RSF1: variants seen among roughly 807,000 people sequenced by gnomAD.
RSF1 encodes the protein remodeling and spacing factor 1.
Under a neutral mutation model 145.2 loss-of-function variants are expected in RSF1, and 13 were observed. The observed-to-expected ratio is 0.09, with a 90% confidence interval of 0.06 to 0.14. The LOEUF (loss-of-function observed/expected upper bound fraction) is 0.14. Ranked by LOEUF, RSF1 falls within the 10% of genes least tolerant of loss-of-function variation. RSF1 has a pLI of 1.00. For missense variants in RSF1, 1,517 were observed against 1,718.2 expected (o/e 0.88, Z 2.07); for synonymous variants, 577 against 592.6 (o/e 0.97, Z 0.38).
chr11:77,775,805 G>A (rs1948336490), intron 1 of RSF1, among the ~76,000 whole-genome samples: 2 of 152,126 alleles, frequency 1.3e-5, no homozygotes, highest in Admixed American at 6.5e-5. Context: ...GTCTTGCTCT[G>A]TTGTCTAGGC....
chr11:77,745,592 C>T (rs533457807), intron 3 of RSF1, among the ~76,000 whole-genome samples: 120 of 151,434 alleles, frequency 7.9e-4, no homozygotes, highest in African/African-American at 2.8e-3. Flanking sequence ...TTTAGGTGAA[C>T]ATTATTCTTA....
At chr11:77,741,333 A>T (rs1947934522) in intron 3 of RSF1, among the ~76,000 whole-genome samples, 1 of 152,126 alleles carries the variant, frequency 6.6e-6, no homozygotes, top group Non-Finnish European at 1.5e-5. Context: ...GCTTGAGTCC[A>T]GGAGTTAAAG....
intron 1 of RSF1, among the ~76,000 whole-genome samples, chr11:77,811,453 A>G (rs965492761): frequency 6.6e-6 from 1 of 152,220 alleles, no homozygotes; most frequent in Non-Finnish European, 1.5e-5. Flanking sequence ...GTGGCATAAA[A>G]TCTACAAAGT....
intron 11 of RSF1, among the ~76,000 whole-genome samples, chr11:77,681,976 T>A (rs964528584): frequency 6.6e-6 from 1 of 152,202 alleles, no homozygotes; most frequent in African/African-American, 2.4e-5. Context: ...TTAATGTATG[T>A]CTCTAACCCC....
In RSF1 at chr11:77,660,126, G is replaced by A. The variant is rs1231907981; in HGVS notation, c.*6791C>T. 1 of 152,118 alleles carries A rather than the reference G, an allele frequency of 6.6e-6. No homozygotes were observed. Among genetic ancestry groups the A allele is most frequent in the Non-Finnish European group, 1.5e-5 (1 of 68,014 alleles). The allele number at this position is 152,118 out of a possible 1,614,324, so 9.4% of individuals were successfully genotyped here. Reference sequence around the variant, plus strand: ...ACAATTAGGCCAATAGCTATAAAATGGCTTTAGGCCTGGCTTATAACACCA... The same window carrying A: ...ACAATTAGGCCAATAGCTATAAAATAGCTTTAGGCCTGGCTTATAACACCA... On this transcript the variant is annotated 3_prime_UTR_variant, in exon 16 of 16. Coordinates refer to ENST00000308488, the MANE Select transcript of RSF1 (RefSeq NM_016578.4).
intron 1 of RSF1, among the ~76,000 whole-genome samples, chr11:77,795,872 T>C (rs1948567114): frequency 6.6e-6 from 1 of 152,168 alleles, no homozygotes; most frequent in African/African-American, 2.4e-5. Flanking sequence ...TAGCAGGCTA[T>C]TAATCACTGC....
the RSF1 span, among the ~76,000 whole-genome samples, chr11:77,871,120 A>T: frequency 1.3e-5 from 2 of 152,344 alleles, no homozygotes; most frequent in African/African-American, 4.8e-5. Flanking sequence ...ATATTTTAAA[A>T]TTTTAAACTA....
At position 77,666,818 on chromosome 11, in the gene RSF1, A is replaced by T; in HGVS notation, c.*99T>A. The T allele has an allele frequency of 1.0e-6, 1 of 959,462 alleles. No individual in the cohort carries two copies. The highest frequency in any genetic ancestry group is 1.5e-6 in the Non-Finnish European group (1 of 662,250). 59.4% of individuals were successfully genotyped at this position (959,462 alleles called of 1,614,324 possible). A position where few individuals can be genotyped will look rare whatever the true frequency, so the allele number is the denominator to read the frequency against. ...ATTTTTCTTCTAAAAGTCATTCTGT[A>T]GTGGAGTTTTCTAGGAAAAATTAAA... On this transcript the variant is annotated 3_prime_UTR_variant, in exon 16 of 16. Transcript: ENST00000308488.
rs777042659 is a variant in RSF1 at position 77,700,736 on chromosome 11, A to C, written c.2493T>G (p.Asn831Lys). The C allele has an allele frequency of 1.3e-6, 2 of 1,583,512 alleles. No homozygotes were observed. The highest frequency in any genetic ancestry group is 2.4e-5 in the South Asian group (2 of 85,040). Reference sequence around the variant, plus strand: ...CAAGTTTTACCTTGCTTACTTTAGAATTTGTATCTTTCTCTGATTTTTTCA... The same window carrying C: ...CAAGTTTTACCTTGCTTACTTTAGACTTTGTATCTTTCTCTGATTTTTTCA... ...EILKKSEKDT[N>K]SKVSKVKPKG... The change falls in exon 6 of 16, where the codon AAT becomes AAG. Residue 831 changes from asparagine (N) to lysine (K), a missense_variant. Transcript: ENST00000308488.
At chr11:77,787,763 G>A (rs1236642953) in intron 1 of RSF1, among the ~76,000 whole-genome samples, 2 of 149,948 alleles carry the variant, frequency 1.3e-5, no homozygotes, top group Admixed American at 6.7e-5. Flanking sequence ...CCAGCATCTA[G>A]CATAGTAAAA....
chr11:77,783,201 G>T (rs550022555), intron 1 of RSF1, among the ~76,000 whole-genome samples: 23 of 152,056 alleles, frequency 1.5e-4, no homozygotes, highest in Non-Finnish European at 2.8e-4. Context: ...GCAATTCCTT[G>T]TTCTCATCCT....
rs111644710 is a variant in RSF1 at position 77,787,897 on chromosome 11, A to G, written c.188-23208T>C. On this transcript the variant is annotated intron_variant, in intron 1 of 15. Coordinates refer to ENST00000308488, the MANE Select transcript of RSF1 (RefSeq NM_016578.4). ...GTAATCCCAGCACTATGGGAGGCCTAGACAGGCAACTGCTTGAGTCCAGGA... is the reference window on the plus strand; with the variant it reads ...GTAATCCCAGCACTATGGGAGGCCTGGACAGGCAACTGCTTGAGTCCAGGA... Among the ~76,000 whole-genome samples the G allele has an allele frequency of 1.7e-3, 265 of 151,580 alleles. 1 individual carries two copies. Among genetic ancestry groups the G allele is most frequent in the African/African-American group, 5.7e-3 (236 of 41,324 alleles).
At chr11:77,721,924 G>T (rs1471578744) in intron 5 of RSF1, among the ~76,000 whole-genome samples, 1 of 152,182 alleles carries the variant, frequency 6.6e-6, no homozygotes, top group Non-Finnish European at 1.5e-5. Context: ...TGTAATCCCA[G>T]AACTTCGGAG....
rs141597168 is a variant in RSF1 at position 77,719,555 on chromosome 11, A to C, written c.733+5990T>G. Among the ~76,000 whole-genome samples, 840 of 152,322 alleles carry C rather than the reference A, an allele frequency of 5.5e-3. 5 individuals are homozygous for C. Among genetic ancestry groups the C allele is most frequent in the African/African-American group, 0.018 (736 of 41,562 alleles). Reference sequence around the variant, plus strand: ...ATAAAAATGATGATCCAAAGTTGACAACTTTTCTAATTTTCAATTTTAGAT... The same window carrying C: ...ATAAAAATGATGATCCAAAGTTGACCACTTTTCTAATTTTCAATTTTAGAT... On this transcript the variant is annotated intron_variant, in intron 5 of 15. Transcript: ENST00000308488.
At chr11:77,685,844 T>A (rs2135830571) in intron 9 of RSF1, among the ~76,000 whole-genome samples, 1 of 152,160 alleles carries the variant, frequency 6.6e-6, no homozygotes, top group East Asian at 1.9e-4. Context: ...TTAGTAATAT[T>A]TTGGGTGTAT....
At chr11:77,803,993 C>T (rs1053197055) in intron 1 of RSF1, among the ~76,000 whole-genome samples, 3 of 152,118 alleles carry the variant, frequency 2.0e-5, no homozygotes, top group Non-Finnish European at 4.4e-5. Flanking sequence ...ATCGCTTGAG[C>T]CCAGGAGCTC....
intron 3 of RSF1, among the ~76,000 whole-genome samples, chr11:77,742,115 A>C (rs1478462749): frequency 6.6e-6 from 1 of 152,240 alleles, no homozygotes; most frequent in East Asian, 1.9e-4. Flanking sequence ...ACAGGAGTGC[A>C]GATACCACTT....
intron 1 of RSF1, among the ~76,000 whole-genome samples, chr11:77,808,566 C>T (rs1462472013): frequency 6.5e-5 from 5 of 77,002 alleles, no homozygotes; most frequent in Non-Finnish European, 1.0e-4. Flanking sequence ...CGGAGTCTCG[C>T]TCTGTCGCCC....
At chr11:77,777,819 A>C (rs755222980) in intron 1 of RSF1, among the ~76,000 whole-genome samples, 129 of 151,776 alleles carry the variant, frequency 8.5e-4, no homozygotes, top group Non-Finnish European at 1.5e-3. Flanking sequence ...ACCCTGTCTC[A>C]AACAAACAAA....
Sources: allele counts gnomAD v4.1 joint callset (sites outside exome capture counted in the v4.1 genomes callset), GRCh38; gene constraint gnomAD v4.1.1; transcripts MANE v1.5; gene names NCBI Gene and HGNC (gene_info 2026-07-23, HGNC 2026-07-21).